WDR27: variants seen among roughly 807,000 people sequenced by gnomAD.
The protein encoded by WDR27 is WD repeat-containing protein 27.
Under a neutral mutation model 114.4 loss-of-function variants are expected in WDR27, and 100 were observed. That is an observed-to-expected ratio of 0.87 (90% CI 0.74 to 1.03). WDR27 has a LOEUF of 1.03. WDR27 is among the 50% of genes least tolerant of loss of function. WDR27 has a pLI of 0.00. For missense variants in WDR27, 1,129 were observed against 1,092.9 expected (o/e 1.03, Z -0.47); for synonymous variants, 449 against 423.1 (o/e 1.06, Z -0.75).
intron 2 of WDR27, among the ~76,000 whole-genome samples, chr6:169,674,873 T>G (rs1301505113): frequency 3.3e-5 from 5 of 151,924 alleles, no homozygotes; most frequent in Non-Finnish European, 7.4e-5. Flanking sequence ...TTTATAGGAT[T>G]TGGGTAGGTA....
intron 25 of WDR27, among the ~76,000 whole-genome samples, chr6:169,498,567 C>T (rs1342571873): frequency 1.3e-5 from 2 of 152,028 alleles, no homozygotes; most frequent in African/African-American, 4.8e-5. Context: ...AGGGCTGACA[C>T]CAAAAGGAGG....
At chr6:169,653,058 C>T (rs976458437) in intron 13 of WDR27, among the ~76,000 whole-genome samples, 29 of 152,332 alleles carry the variant, frequency 1.9e-4, no homozygotes, top group African/African-American at 6.5e-4. Flanking sequence ...TTCCCAAATG[C>T]GCAGCCGTCC....
intron 23 of WDR27, among the ~76,000 whole-genome samples, chr6:169,600,407 C>T (rs1260370981): frequency 6.6e-6 from 1 of 152,066 alleles, no homozygotes; most frequent in Non-Finnish European, 1.5e-5. Flanking sequence ...ATCAGAGCAC[C>T]ACTCCTCCTC....
chr6:169,529,252 C>T (rs902865949), intron 25 of WDR27, among the ~76,000 whole-genome samples: 13 of 149,282 alleles, frequency 8.7e-5, no homozygotes, highest in African/African-American at 3.2e-4. Flanking sequence ...GCATACACAC[C>T]CACACATTCA....
intron 24 of WDR27, among the ~76,000 whole-genome samples, chr6:169,575,155 G>A (rs963499262): frequency 5.3e-5 from 8 of 152,056 alleles, no homozygotes; most frequent in East Asian, 3.9e-4. Context: ...GGGACTTCTC[G>A]GCCTCCACAA....
rs1272973994 is a variant in WDR27 at position 169,667,125 on chromosome 6, T to G, written c.712+11A>C. On this transcript the variant is annotated intron_variant, in intron 6 of 25. Coordinates refer to ENST00000448612, the MANE Select transcript of WDR27 (RefSeq NM_182552.5). ...ACCTATTTACAGAAAACATGAAAGT[T>G]TTAAATTTACCTGATAACACAGATG... The G allele has an allele frequency of 6.6e-7, 1 of 1,512,272 alleles. No individual in the cohort carries two copies. Among genetic ancestry groups the G allele is most frequent in the Non-Finnish European group, 8.8e-7 (1 of 1,132,820 alleles). 93.7% of individuals were successfully genotyped at this position (1,512,272 alleles called of 1,614,324 possible).
chr6:169,562,732 C>T (rs75255669), intron 25 of WDR27, among the ~76,000 whole-genome samples: 3,134 of 152,232 alleles, frequency 0.021, 69 homozygotes, highest in East Asian at 0.082. Context: ...AGGTTAGGCT[C>T]AGGGACATTT....
chr6:169,522,504 C>T (rs1426402594), intron 25 of WDR27, among the ~76,000 whole-genome samples: 1 of 152,032 alleles, frequency 6.6e-6, no homozygotes, highest in Non-Finnish European at 1.5e-5. Context: ...CACGCAGTTG[C>T]TGCAGAATAC....
At chr6:169,509,652 T>C (rs1462598703) in intron 25 of WDR27, among the ~76,000 whole-genome samples, 22 of 151,806 alleles carry the variant, frequency 1.4e-4, no homozygotes, top group African/African-American at 5.3e-4. Context: ...AAGACTTACA[T>C]GTTAGACCTA....
chr6:169,668,181 C>T lies in WDR27; in HGVS notation c.461G>A (p.Arg154Gln), dbSNP rs375738312. ...ACGTTCTATGTATGTCACAGAAAAT[C>T]GCTGCTATTAAAATAAAGCCCAAAT... is the stretch of plus-strand genomic sequence containing the variant. ...NKIFMLDIEQ[R>Q]FSVTYIERPD... The change falls in exon 5 of 26, where the codon CGA (arginine) becomes CAA (glutamine). Residue 154 changes from arginine to glutamine, a missense_variant. Arg to Gln is a conservative substitution (Grantham distance 43, BLOSUM62 1). Coordinates refer to ENST00000448612, the MANE Select transcript of WDR27 (RefSeq NM_182552.5). The T allele has an allele frequency of 1.0e-4, 165 of 1,613,796 alleles. No individual in the cohort carries two copies. Among genetic ancestry groups the T allele is most frequent in the Non-Finnish European group, 1.3e-4 (159 of 1,179,896 alleles).
chr6:169,557,203 C>T lies in WDR27; in HGVS notation c.2645+15216G>A, dbSNP rs139623327. On this transcript the variant is annotated intron_variant, in intron 25 of 25. Transcript: ENST00000448612. ...TTCTCCCACACAGGGGAAAATGCCTCGGTGATATAAAGGAAGGAACCAGAA... is the reference window on the plus strand; with the variant it reads ...TTCTCCCACACAGGGGAAAATGCCTTGGTGATATAAAGGAAGGAACCAGAA... Among the ~76,000 whole-genome samples, 450 of 152,228 alleles carry T rather than the reference C, an allele frequency of 3.0e-3. 1 individual carries two copies. Among genetic ancestry groups the T allele is most frequent in the Admixed American group, 5.4e-3 (82 of 15,290 alleles).
In WDR27 at chr6:169,516,658, G is replaced by T. The variant is rs149052900; in HGVS notation, c.2645+55761C>A. ...AGTTCTATTACATCCTGGAAATCTAGAAGGTCATGTGTGTCCCCAAGAGCT... is the reference window on the plus strand; with the variant it reads ...AGTTCTATTACATCCTGGAAATCTATAAGGTCATGTGTGTCCCCAAGAGCT... On this transcript the variant is annotated intron_variant, in intron 25 of 25. Transcript: ENST00000448612. Among the ~76,000 whole-genome samples, 987 of 152,162 alleles carry T rather than the reference G, an allele frequency of 6.5e-3. 9 individuals are homozygous for T. Among genetic ancestry groups the T allele is most frequent in the African/African-American group, 0.023 (949 of 41,506 alleles).
intron 22 of WDR27, among the ~76,000 whole-genome samples, chr6:169,608,547 C>T (rs971372521): frequency 1.3e-5 from 2 of 152,122 alleles, no homozygotes; most frequent in Non-Finnish European, 2.9e-5. Flanking sequence ...ATAAAACCAT[C>T]GGATCTCATG....
chr6:169,656,809 C>T (rs1256605386), intron 13 of WDR27, among the ~76,000 whole-genome samples: 1 of 152,198 alleles, frequency 6.6e-6, no homozygotes, highest in African/African-American at 2.4e-5. Context: ...GTGTCTTTTG[C>T]AATTTAAGAT....
intron 13 of WDR27, among the ~76,000 whole-genome samples, chr6:169,656,202 C>T (rs868853725): frequency 7.9e-5 from 12 of 151,910 alleles, no homozygotes; most frequent in Non-Finnish European, 1.6e-4. Context: ...AAAGGTACAA[C>T]TCAAAGATGG....
At position 169,659,104 on chromosome 6, in the gene WDR27, C is replaced by T; in HGVS notation, c.1301G>A (p.Ser434Asn). 3 of 1,579,700 alleles carry T rather than the reference C, an allele frequency of 1.9e-6. No individual in the cohort carries two copies. Among genetic ancestry groups the T allele is most frequent in the Non-Finnish European group, 2.6e-6 (3 of 1,164,938 alleles). ...RAQQCPSMGQSLSVPASSCVL... is the reference protein window; with the variant it reads ...RAQQCPSMGQNLSVPASSCVL... ...ACTCTACCTGGCTGGCACCGAGAGG[C>T]TCTGCCCCATGCTGGGGCACTGCTG... The change falls in exon 12 of 26, where the codon AGC becomes AAC. Residue 434 changes from serine (S) to asparagine (N), a missense_variant. Coordinates refer to ENST00000448612, the MANE Select transcript of WDR27 (RefSeq NM_182552.5). The surrounding 1 kb of genome is among the most constrained non-coding windows in gnomAD (Gnocchi z 4.3).
At chr6:169,448,497 C>T in the WDR27 span, among the ~76,000 whole-genome samples, 2 of 152,008 alleles carry the variant, frequency 1.3e-5, no homozygotes, top group African/African-American at 4.8e-5. Context: ...ATGTGCAAGG[C>T]ACACACCTGT....
At chr6:169,515,750 T>C (rs1793553974) in intron 25 of WDR27, among the ~76,000 whole-genome samples, 2 of 150,456 alleles carry the variant, frequency 1.3e-5, no homozygotes, top group Non-Finnish European at 1.5e-5. Context: ...TTTTATTATA[T>C]ACTTAACTAT....
chr6:169,696,357 T>C (rs879871686), intron 1 of WDR27, among the ~76,000 whole-genome samples: 5 of 152,156 alleles, frequency 3.3e-5, no homozygotes, highest in Non-Finnish European at 7.3e-5. Context: ...GTATGGGCAG[T>C]TGTGAAGCAA....
Sources: allele counts gnomAD v4.1 joint callset (sites outside exome capture counted in the v4.1 genomes callset), GRCh38; gene constraint gnomAD v4.1.1; non-coding constraint Gnocchi (gnomAD v3.1); transcripts MANE v1.5; gene names NCBI Gene and HGNC (gene_info 2026-07-23, HGNC 2026-07-21).